The following EPM2A variants were observed in gnomAD, a reference collection of about 807,000 sequenced individuals.
EPM2A encodes the protein laforin.
Under a neutral mutation model 26.5 loss-of-function variants are expected in EPM2A, and 21 were observed. That is an observed-to-expected ratio of 0.79 (90% CI 0.56 to 1.14). EPM2A has a LOEUF of 1.14. Among genes scored for constraint, EPM2A ranks in the 50% most tolerant of loss-of-function variants. The pLI is 0.00. For synonymous variants in EPM2A, 217 were observed against 177.6 expected, an observed-to-expected ratio of 1.22 and a Z score of -1.76; for missense variants, 458 against 440.8, an observed-to-expected ratio of 1.04 and a Z score of -0.35.
chr6:145,607,527 G>A (rs192913190), intron 2 of EPM2A, among the ~76,000 whole-genome samples: 1 of 152,252 alleles, frequency 6.6e-6, no homozygotes, highest in East Asian at 1.9e-4. Context: ...AACGATAGGT[G>A]AAGAAAACAA....
At chr6:145,537,845 A>G (rs1780453893) in intron 2 of EPM2A, among the ~76,000 whole-genome samples, 1 of 151,788 alleles carries the variant, frequency 6.6e-6, no homozygotes, top group Non-Finnish European at 1.5e-5. Flanking sequence ...GAGTGAGAAC[A>G]TGCAGTGTTT....
rs577044421 is a variant in EPM2A at position 145,527,215 on chromosome 6, C to G, written c.341-24640G>C. On this transcript the variant is annotated intron_variant, in intron 2 of 3. Coordinates refer to the EPM2A transcript ENST00000450221. ...CTTACTTTATAACCAAGGATGTGGTCAATCTTAGAGTACGTTCCATGTGCA... is the reference window on the plus strand; with the variant it reads ...CTTACTTTATAACCAAGGATGTGGTGAATCTTAGAGTACGTTCCATGTGCA... 6.6e-5 allele frequency among the ~76,000 whole-genome samples: 10 copies of G among 152,164 alleles called. No individual in the cohort carries two copies. In the South Asian group the frequency reaches 1.7e-3, roughly 25 times the overall value.
intron 4 of EPM2A, among the ~76,000 whole-genome samples, chr6:145,430,974 C>G (rs1452695574): frequency 6.6e-6 from 1 of 152,098 alleles, no homozygotes; most frequent in Non-Finnish European, 1.5e-5. Flanking sequence ...TATCTCTTCT[C>G]CAATCTTCTT....
At chr6:145,410,515 G>T (rs889559200) in intron 4 of EPM2A, among the ~76,000 whole-genome samples, 4 of 152,206 alleles carry the variant, frequency 2.6e-5, no homozygotes, top group Admixed American at 2.0e-4. Context: ...ATTTAAATTT[G>T]AAGGGATAAA....
At chr6:145,541,177 C>CTGTGTGTG (rs5880647) in intron 2 of EPM2A, among the ~76,000 whole-genome samples, 7 of 147,156 alleles carry the variant, frequency 4.8e-5, no homozygotes, top group South Asian at 2.2e-4. Flanking sequence ...ATATATATAT[C>CTGTGTGTG]TGTGTGTGTG....
intron 2 of EPM2A, among the ~76,000 whole-genome samples, chr6:145,677,307 C>A (rs1373946809): frequency 6.6e-6 from 1 of 152,134 alleles, no homozygotes; most frequent in African/African-American, 2.4e-5. Flanking sequence ...CTATTTATGA[C>A]AAACCCACAG....
At chr6:145,617,534 A>T (rs1775542897) in intron 2 of EPM2A, among the ~76,000 whole-genome samples, 2 of 152,354 alleles carry the variant, frequency 1.3e-5, no homozygotes, top group East Asian at 3.8e-4. Flanking sequence ...ATAAGGCACA[A>T]AATGAAGATA....
downstream of EPM2A, among the ~76,000 whole-genome samples, chr6:145,500,706 T>G (rs1399981617): frequency 6.6e-6 from 1 of 152,200 alleles, no homozygotes; most frequent in Non-Finnish European, 1.5e-5. Flanking sequence ...TCCCAGAGAC[T>G]CAGATTCTTA....
intron 2 of EPM2A, among the ~76,000 whole-genome samples, chr6:145,528,895 A>G (rs912498915): frequency 6.6e-6 from 1 of 152,154 alleles, no homozygotes; most frequent in African/African-American, 2.4e-5. Context: ...TTCATGATAC[A>G]TGGAGAGGAG....
intron 2 of EPM2A, among the ~76,000 whole-genome samples, chr6:145,509,521 T>A (rs1780024324): frequency 6.6e-6 from 1 of 152,148 alleles, no homozygotes; most frequent in Non-Finnish European, 1.5e-5. Flanking sequence ...ATAAAGTCTT[T>A]CCCAGACAAG....
chr6:145,452,157 A>G (rs987125186), intron 4 of EPM2A, among the ~76,000 whole-genome samples: 1 of 152,204 alleles, frequency 6.6e-6, no homozygotes, highest in Non-Finnish European at 1.5e-5. Context: ...CTCCAAATCC[A>G]GACATCAGCC....
chr6:145,635,179 T>TAGAC (rs200066315), intron 3 of EPM2A, 66 bp downstream of exon 3: 2 of 1,580,730 alleles, frequency 1.3e-6, no homozygotes, highest in Middle Eastern at 1.7e-4. Flanking sequence ...AAATTATAGA[T>TAGAC]AGACAGACAG....
At chr6:145,564,648 C>G (rs942538814) in intron 2 of EPM2A, among the ~76,000 whole-genome samples, 4 of 151,966 alleles carry the variant, frequency 2.6e-5, no homozygotes, top group Non-Finnish European at 5.9e-5. Flanking sequence ...AATTAGGTGG[C>G]AGATTTTTAT....
chr6:145,591,674 C>T (rs1053362727), intron 2 of EPM2A, among the ~76,000 whole-genome samples: 3 of 151,492 alleles, frequency 2.0e-5, no homozygotes, highest in East Asian at 1.9e-4. Flanking sequence ...AGACCTGCAC[C>T]GTAAGAAACG....
chr6:145,481,520 G>T (rs117175027), intron 4 of EPM2A, among the ~76,000 whole-genome samples: 1 of 152,106 alleles, frequency 6.6e-6, no homozygotes, highest in East Asian at 1.9e-4. Context: ...TGCTAATTTA[G>T]TAGCCTAATT....
intron 1 of EPM2A, chr6:145,734,910 G>A (rs1226769491): frequency 1.4e-5 from 3 of 211,774 alleles, no homozygotes; most frequent in Admixed American, 6.0e-5. Context: ...GACTGGATGT[G>A]CGGAAACCAG....
At chr6:145,537,889 G>A (rs1780454759) in intron 2 of EPM2A, among the ~76,000 whole-genome samples, 1 of 151,808 alleles carries the variant, frequency 6.6e-6, no homozygotes, top group African/African-American at 2.4e-5. Context: ...TGCTGAGACT[G>A]ATGGCTTCCA....
chr6:145,461,505 A>T (rs1180913238), intron 4 of EPM2A, among the ~76,000 whole-genome samples: 1 of 152,164 alleles, frequency 6.6e-6, no homozygotes, highest in Non-Finnish European at 1.5e-5. Flanking sequence ...GGCTGCATTC[A>T]TACATAATAT....
rs902626722 is a variant in EPM2A, at chr6:145,490,755, T to C, written c.555+11767A>G. 23 of 560,500 alleles carry C rather than the reference T, an allele frequency of 4.1e-5. No homozygotes were observed. In the Middle Eastern group the frequency reaches 8.6e-4, roughly 21 times the overall value. 34.7% of individuals were successfully genotyped at this position (560,500 alleles called of 1,614,324 possible). On this transcript the variant is annotated intron_variant, in intron 4 of 4. Coordinates refer to the EPM2A transcript ENST00000638717. Reference sequence around the variant, plus strand: ...GGAACAAGTCCTTCACATGTGAAGGTTGTCACATGTGACAACTGACGTTCC... The same window carrying C: ...GGAACAAGTCCTTCACATGTGAAGGCTGTCACATGTGACAACTGACGTTCC...
Sources: allele counts gnomAD v4.1 joint callset (sites outside exome capture counted in the v4.1 genomes callset), GRCh38; gene constraint gnomAD v4.1.1; transcripts MANE v1.5; gene names NCBI Gene and HGNC (gene_info 2026-07-23, HGNC 2026-07-21).